OTUD7A: variants seen among roughly 807,000 people sequenced by gnomAD.
OTUD7A encodes OTU deubiquitinase 7A.
A neutral mutation model predicts 65.7 loss-of-function variants in OTUD7A; 12 were observed. The ratio of observed to expected loss-of-function variants is 0.18; its 90% confidence interval spans 0.12 to 0.30. The LOEUF is 0.30. OTUD7A is among the 10% of genes least tolerant of loss of function. The pLI is 1.00. For missense variants in OTUD7A, 1,148 were observed against 1,304.8 expected, an observed-to-expected ratio of 0.88 and a Z score of 1.85; for synonymous variants, 641 against 586.3, an observed-to-expected ratio of 1.09 and a Z score of -1.35.
intron 1 of OTUD7A, among the ~76,000 whole-genome samples, chr15:31,667,868 T>C (rs896476801): frequency 2.2e-4 from 34 of 152,302 alleles, no homozygotes; most frequent in Non-Finnish European, 4.4e-4. Flanking sequence ...CTCTCTGTAT[T>C]TTCTGAAAGG....
chr15:31,578,556 CTTT>C (rs33982900), intron 3 of OTUD7A, among the ~76,000 whole-genome samples: 4 of 146,428 alleles, frequency 2.7e-5, no homozygotes, highest in Non-Finnish European at 6.0e-5. Context: ...AACCAATGTC[CTTT>C]TTTTTTTTTT....
Position 31,742,736 on chromosome 15 carries a change from T to C in OTUD7A, c.-99-85659A>G, listed in dbSNP as rs534323215. ...AGACTTTATTTACAGATACTCACTT[T>C]AAATATAAAGACATAGGTAGCGCGA... On this transcript the variant is annotated intron_variant, in intron 1 of 12. Coordinates refer to ENST00000307050, the MANE Select transcript of OTUD7A (RefSeq NM_001382637.1). Among the ~76,000 whole-genome samples, 11 of 152,204 alleles carry C rather than the reference T, an allele frequency of 7.2e-5. No homozygotes were observed. The East Asian group carries it at 2.1e-3, about 29-fold the overall frequency.
intron 7 of OTUD7A, among the ~76,000 whole-genome samples, chr15:31,526,854 A>G (rs909874957): frequency 6.6e-6 from 1 of 152,178 alleles, no homozygotes; most frequent in African/African-American, 2.4e-5. Context: ...GGCTGGGGCC[A>G]TGGGCTGCAC....
intron 1 of OTUD7A, among the ~76,000 whole-genome samples, chr15:31,757,949 G>C (rs1310472086): frequency 6.6e-6 from 1 of 152,052 alleles, no homozygotes; most frequent in African/African-American, 2.4e-5. Context: ...CCAAAACAAC[G>C]GCCAGATTCT....
chr15:31,640,520 G>A (rs1193253466), intron 3 of OTUD7A, among the ~76,000 whole-genome samples: 1 of 152,006 alleles, frequency 6.6e-6, no homozygotes, highest in Non-Finnish European at 1.5e-5. Flanking sequence ...GGTAATTTTT[G>A]CATATGAGTG....
chr15:31,638,213 C>T (rs981486623), intron 3 of OTUD7A, among the ~76,000 whole-genome samples: 9 of 152,104 alleles, frequency 5.9e-5, no homozygotes, highest in African/African-American at 9.7e-5. Flanking sequence ...CAGCCATAAA[C>T]ATTGAGGCAA....
chr15:31,689,754 C>T (rs375563427), intron 1 of OTUD7A, among the ~76,000 whole-genome samples: 5 of 152,296 alleles, frequency 3.3e-5, no homozygotes, highest in South Asian at 2.1e-4. Context: ...AAGTCTCATC[C>T]GTGTGGACTT....
rs550567271 is a variant in OTUD7A, at chr15:31,797,708, A to G, written c.-100+72799T>C. 3.3e-5 allele frequency among the ~76,000 whole-genome samples: 5 copies of G among 152,346 alleles called. No homozygotes were observed. The South Asian group carries it at 1.0e-3, about 32-fold the overall frequency. On this transcript the variant is annotated intron_variant, in intron 1 of 12. Transcript: ENST00000307050. ...ATCCTAAGCCTGGACGCATGCTTAC[A>G]GAATTTTAAGTGCCCTTCCAAAAAG...
chr15:31,603,921 G>A lies in OTUD7A; in HGVS notation c.152-33724C>T, dbSNP rs190929330. On this transcript the variant is annotated intron_variant, in intron 3 of 12. Transcript: ENST00000307050. Reference sequence around the variant, plus strand: ...ACCATCTCACACCAGTTAGAATGGCGATCATTAAAAAATCAGGAAACAACA... The same window carrying A: ...ACCATCTCACACCAGTTAGAATGGCAATCATTAAAAAATCAGGAAACAACA... Among the ~76,000 whole-genome samples, 783 of 152,216 alleles carry A rather than the reference G, an allele frequency of 5.1e-3. 3 individuals are homozygous for A. The highest frequency in any genetic ancestry group is 0.018 in the African/African-American group (739 of 41,550).
chr15:31,802,137 G>GTATATATATA (rs1411006294), intron 1 of OTUD7A, among the ~76,000 whole-genome samples: 1 of 131,750 alleles, frequency 7.6e-6, no homozygotes, highest in African/African-American at 2.8e-5. Context: ...GTGTGTGTGT[G>GTATATATATA]TGTGTATATA....
chr15:31,627,529 T>C (rs1028510440), intron 3 of OTUD7A, among the ~76,000 whole-genome samples: 13 of 152,086 alleles, frequency 8.5e-5, no homozygotes, highest in Non-Finnish European at 1.6e-4. Context: ...TTTGCTATTG[T>C]GAATAGTGCT....
chr15:31,782,727 G>T (rs776296677), intron 1 of OTUD7A, among the ~76,000 whole-genome samples: 10 of 152,004 alleles, frequency 6.6e-5, no homozygotes, highest in Admixed American at 6.5e-4. Context: ...TTGGCTTGGG[G>T]GTACAGAGAG....
intron 3 of OTUD7A, among the ~76,000 whole-genome samples, chr15:31,636,817 T>C (rs1260780700): frequency 6.6e-6 from 1 of 152,316 alleles, no homozygotes; most frequent in African/African-American, 2.4e-5. Context: ...ATCAAACCAG[T>C]TACAATATTC....
chr15:31,553,417 C>T (rs925843282), intron 5 of OTUD7A, among the ~76,000 whole-genome samples: 1 of 152,134 alleles, frequency 6.6e-6, no homozygotes, highest in African/African-American at 2.4e-5. Context: ...ACGAGGAGCT[C>T]ACTCCGGGAT....
At chr15:31,579,480 C>T (rs936343450) in intron 3 of OTUD7A, among the ~76,000 whole-genome samples, 8 of 152,080 alleles carry the variant, frequency 5.3e-5, no homozygotes, top group Admixed American at 1.3e-4. Context: ...TAGTGATGAA[C>T]GGGTGGGTGA....
rs781490058 is a variant in OTUD7A at position 31,570,213 on chromosome 15, G to A, written c.152-16C>T. On this transcript the variant is annotated splice_polypyrimidine_tract_variant and intron_variant, in intron 3 of 12. Transcript: ENST00000307050. ...CAGTTTTTGCCTGTGGACAAGAAAT[G>A]ACAAGAGGTGACAATACGAACGCAT... The A allele has an allele frequency of 1.2e-6, 2 of 1,612,634 alleles. No homozygotes were observed. Among genetic ancestry groups the A allele is most frequent in the African/African-American group, 1.3e-5 (1 of 74,990 alleles).
intron 3 of OTUD7A, among the ~76,000 whole-genome samples, chr15:31,614,985 CA>C (rs967820864): frequency 1.3e-5 from 2 of 151,962 alleles, no homozygotes; most frequent in African/African-American, 4.8e-5. Context: ...TCGTAACTAC[CA>C]AAAGAATAGT....
chr15:31,740,280 A>G (rs1327881087), intron 1 of OTUD7A, among the ~76,000 whole-genome samples: 2 of 152,248 alleles, frequency 1.3e-5, no homozygotes, highest in African/African-American at 4.8e-5. Flanking sequence ...GTCGCAGCTG[A>G]GGCCTCTCGG....
At chr15:31,610,617 A>ATATATATATATATATTTTT in intron 3 of OTUD7A, among the ~76,000 whole-genome samples, 4 of 30,558 alleles carry the variant, frequency 1.3e-4, no homozygotes, top group African/African-American at 5.1e-4. Context: ...ATATATATAT[A>ATATATATATATATATTTTT]TTTTTTTTTT....
Sources: gnomAD v4.1 joint callset for allele counts (sites outside exome capture counted in the v4.1 genomes callset) on GRCh38, gnomAD v4.1.1 for gene constraint, MANE v1.5 for transcripts, NCBI Gene and HGNC (gene_info 2026-07-23, HGNC 2026-07-21) for gene names.